The following GNAO1 variants were observed in gnomAD, a reference collection of about 807,000 sequenced individuals.
GNAO1 encodes G protein subunit alpha o1, also known as guanine nucleotide-binding protein G(o) subunit alpha.
For synonymous variants in GNAO1, 164 were observed against 180.7 expected, an observed-to-expected ratio of 0.91 and a Z score of 0.74; for missense variants, 166 against 478.7, an observed-to-expected ratio of 0.35 and a Z score of 6.10.
At chr16:56,288,894 A>G (rs984438396) in intron 3 of GNAO1, among the ~76,000 whole-genome samples, 2 of 151,952 alleles carry the variant, frequency 1.3e-5, no homozygotes, top group Non-Finnish European at 2.9e-5. Flanking sequence ...TTTTTCATCC[A>G]TTAGATCTGA....
At chr16:56,194,448 C>T (rs2143280648) in intron 2 of GNAO1, 1 of 354,536 alleles carries the variant, frequency 2.8e-6, no homozygotes, top group Non-Finnish European at 5.6e-6. Flanking sequence ...AAGCCCCAGC[C>T]ACCTGAGCTG....
intron 3 of GNAO1, among the ~76,000 whole-genome samples, chr16:56,328,271 T>G (rs1463230641): frequency 6.6e-6 from 1 of 151,884 alleles, no homozygotes; most frequent in Non-Finnish European, 1.5e-5. Flanking sequence ...GCTGGTTGAG[T>G]TGGAGGGTGG....
intron 2 of GNAO1, among the ~76,000 whole-genome samples, chr16:56,229,710 C>T (rs893784038): frequency 6.6e-6 from 1 of 152,134 alleles, no homozygotes; most frequent in Admixed American, 6.5e-5. Context: ...TTCATTGTCT[C>T]CATTTCACAG....
intron 3 of GNAO1, among the ~76,000 whole-genome samples, chr16:56,297,364 C>T (rs2037297021): frequency 6.6e-6 from 1 of 152,118 alleles, no homozygotes; most frequent in South Asian, 2.1e-4. Context: ...AGCCAAGGCT[C>T]AGGGAGGCCA....
At chr16:56,293,395 C>G (rs2037251205) in intron 3 of GNAO1, among the ~76,000 whole-genome samples, 1 of 152,108 alleles carries the variant, frequency 6.6e-6, no homozygotes, top group Non-Finnish European at 1.5e-5. Flanking sequence ...CCTGAAAATT[C>G]ATTTCTTGGT....
intron 3 of GNAO1, among the ~76,000 whole-genome samples, chr16:56,282,064 A>G (rs1418918502): frequency 6.6e-6 from 1 of 152,208 alleles, no homozygotes; most frequent in African/African-American, 2.4e-5. Context: ...ATTTGTGCCT[A>G]TGCCTGTTTC....
Position 56,192,028 on chromosome 16 carries a change from G to A in GNAO1, c.-208G>A. ...CGACAACCCCAGACCCCTGCCAGCT[G>A]CCGCGAGTCTCCGCTGCTGGAATCT... On this transcript the variant is annotated 5_prime_UTR_variant, in exon 1 of 9. Transcript: ENST00000262493. The A allele has an allele frequency of 1.7e-6, 1 of 574,610 alleles. No homozygotes were observed. The highest frequency in any genetic ancestry group is 2.1e-5 in the South Asian group (1 of 47,610). 35.6% of individuals were successfully genotyped at this position (574,610 alleles called of 1,614,324 possible).
At chr16:56,336,929 T>C in intron 6 of GNAO1, 69 bp downstream of exon 6, 3 of 1,476,508 alleles carry the variant, frequency 2.0e-6, no homozygotes, top group Non-Finnish European at 2.7e-6. Flanking sequence ...GCCAGCCCTC[T>C]GAGCACTGGG....
chr16:56,256,434 A>G (rs1258514745), intron 2 of GNAO1, among the ~76,000 whole-genome samples: 13 of 152,170 alleles, frequency 8.5e-5, no homozygotes, highest in East Asian at 3.9e-4. Flanking sequence ...TCCGGCATCC[A>G]TGGCTTTTGA....
chr16:56,265,069 G>GT (rs1411215893), intron 2 of GNAO1, among the ~76,000 whole-genome samples: 2 of 152,098 alleles, frequency 1.3e-5, no homozygotes, highest in African/African-American at 4.8e-5. Context: ...AGGTTTTGTG[G>GT]TTTTCTGCCT....
chr16:56,231,517 G>T (rs769062850), intron 2 of GNAO1, among the ~76,000 whole-genome samples: 7 of 152,166 alleles, frequency 4.6e-5, no homozygotes, highest in Non-Finnish European at 1.0e-4. Context: ...CTAGCACCTA[G>T]AAGAGTACCT....
chr16:56,323,242 C>T (rs117506168), intron 3 of GNAO1, among the ~76,000 whole-genome samples: 202 of 152,188 alleles, frequency 1.3e-3, no homozygotes, highest in Non-Finnish European at 2.4e-3. Context: ...GTCTGGAATG[C>T]GGGAATGATG....
chr16:56,235,304 A>G (rs913540707), intron 2 of GNAO1: 1 of 455,978 alleles, frequency 2.2e-6, no homozygotes, highest in Non-Finnish European at 4.4e-6. Context: ...AGAATCTTAA[A>G]GAAGACAGAA....
intron 2 of GNAO1, among the ~76,000 whole-genome samples, chr16:56,241,992 G>A (rs965244125): frequency 2.0e-5 from 3 of 152,218 alleles, no homozygotes; most frequent in Non-Finnish European, 2.9e-5. Context: ...AAATCCCAGG[G>A]TGGTCACTGC....
intron 2 of GNAO1, among the ~76,000 whole-genome samples, chr16:56,228,680 G>T (rs2036558159): frequency 6.6e-6 from 1 of 152,192 alleles, no homozygotes; most frequent in African/African-American, 2.4e-5. Flanking sequence ...TTCATGTTCA[G>T]AAAACTTGGC....
rs1238424498 is a variant in GNAO1 at position 56,345,675 on chromosome 16, G to A, written c.724-5709G>A. 9 of 985,442 alleles carry A rather than the reference G, an allele frequency of 9.1e-6. No homozygotes were observed. The East Asian group carries it at 1.0e-3, about 112-fold the overall frequency. 61.0% of individuals were successfully genotyped at this position (985,442 alleles called of 1,614,324 possible). A position where few individuals can be genotyped will look rare whatever the true frequency, so the allele number is the denominator to read the frequency against. The stretch of plus-strand genomic sequence containing the variant: ...ACCTTGCACCAGGTGCTGGGACGTG[G>A]CAGAGGACAGGCCCTGGGAACCAAC... On this transcript the variant is annotated intron_variant, in intron 6 of 8. Coordinates refer to ENST00000262493, the MANE Select transcript of GNAO1 (RefSeq NM_020988.3).
intron 2 of GNAO1, among the ~76,000 whole-genome samples, chr16:56,267,130 G>A (rs1186034235): frequency 6.6e-6 from 1 of 152,168 alleles, no homozygotes; most frequent in Non-Finnish European, 1.5e-5. Context: ...GTTAGTGGGA[G>A]CTCCAACAGG....
chr16:56,297,457 T>C (rs1481522764), intron 3 of GNAO1, among the ~76,000 whole-genome samples: 1 of 151,658 alleles, frequency 6.6e-6, no homozygotes, highest in Non-Finnish European at 1.5e-5. Context: ...CCAAACCTGT[T>C]TTCTGTGCGC....
chr16:56,234,534 G>T (rs1227516313), intron 2 of GNAO1, among the ~76,000 whole-genome samples: 1 of 152,266 alleles, frequency 6.6e-6, no homozygotes, highest in African/African-American at 2.4e-5. Flanking sequence ...CTAATAGCCA[G>T]TTTAAGGAGA....
Sources: gnomAD v4.1 joint callset for allele counts (sites outside exome capture counted in the v4.1 genomes callset) on GRCh38, gnomAD v4.1.1 for gene constraint, MANE v1.5 for transcripts, NCBI Gene and HGNC (gene_info 2026-07-23, HGNC 2026-07-21) for gene names.